The following SLC22A24 variants were observed in gnomAD, a reference collection of about 807,000 sequenced individuals.
SLC22A24 encodes solute carrier family 22 member 24, also known as steroid transmembrane transporter SLC22A24.
A neutral mutation model predicts 49.8 loss-of-function variants in SLC22A24; 53 were observed. The ratio of observed to expected loss-of-function variants is 1.06; its 90% confidence interval spans 0.85 to 1.34. The LOEUF is 1.34. Ranked by LOEUF, SLC22A24 falls within the 40% of genes most tolerant of loss-of-function variation. The pLI is 0.00. For missense variants in SLC22A24, 786 were observed against 675.9 expected (o/e 1.16, Z -1.81); for synonymous variants, 302 against 256.4 (o/e 1.18, Z -1.70).
chr11:63,111,717 GT>G, intron 4 of SLC22A24, among the ~76,000 whole-genome samples: 1 of 151,982 alleles, frequency 6.6e-6, no homozygotes, highest in South Asian at 2.1e-4. Context: ...ATTTTTTATT[GT>G]GTCTATTTGA....
rs1389631006 is a variant in SLC22A24, at chr11:63,093,958, C to A, written c.1070+2033G>T. On this transcript the variant is annotated intron_variant, in intron 6 of 9. Coordinates refer to ENST00000612278, the MANE Select transcript of SLC22A24 (RefSeq NM_001136506.2). ...TAAGTCATATTGGCAAAATATGGAA[C>A]AACCAAAATTCTTTTTTTCCTGTAT... Among the ~76,000 whole-genome samples the A allele has an allele frequency of 2.1e-5, 3 of 143,896 alleles. No individual in the cohort carries two copies. The East Asian group carries it at 6.2e-4, about 30-fold the overall frequency. 94.4% of individuals were successfully genotyped at this position (143,896 alleles called of 152,430 possible).
At chr11:63,119,359 C>T (rs768300114) in intron 2 of SLC22A24, 24 bp from the exon 3 acceptor site, 9 of 1,493,682 alleles carry the variant, frequency 6.0e-6, no homozygotes, top group Admixed American at 2.6e-5. Context: ...AACCAGATAA[C>T]GTTACTTAGG....
chr11:63,118,070 C>G (rs1475300991), intron 4 of SLC22A24, among the ~76,000 whole-genome samples: 2 of 152,150 alleles, frequency 1.3e-5, no homozygotes, highest in African/African-American at 4.8e-5. Context: ...TCACACTAGG[C>G]AACTTTGAGT....
intron 5 of SLC22A24, among the ~76,000 whole-genome samples, chr11:63,098,432 C>A (rs1335787866): frequency 1.3e-5 from 2 of 152,054 alleles, no homozygotes; most frequent in African/African-American, 4.8e-5. Flanking sequence ...ACTTGGGAGG[C>A]CAAAGTGGGT....
chr11:63,138,641 CAAAAAAAAAAAAAAA>C (rs59726580), intron 1 of SLC22A24, among the ~76,000 whole-genome samples: 6 of 60,774 alleles, frequency 9.9e-5, no homozygotes, highest in Admixed American at 4.4e-4. Context: ...GACTCTGTCT[CAAAAAAAAAAAAAAA>C]AAAAAAAAAA....
chr11:63,131,098 C>T (rs2087331693), intron 2 of SLC22A24, among the ~76,000 whole-genome samples: 1 of 151,810 alleles, frequency 6.6e-6, no homozygotes, highest in Non-Finnish European at 1.5e-5. Context: ...GATTGCAACC[C>T]CTGCTTTTTT....
chr11:63,104,704 A>G (rs1470346707), intron 4 of SLC22A24, among the ~76,000 whole-genome samples: 1 of 152,176 alleles, frequency 6.6e-6, no homozygotes, highest in Non-Finnish European at 1.5e-5. Flanking sequence ...AGATCTCATG[A>G]GACTTATTCA....
chr11:63,123,353 C>T (rs192773678), intron 2 of SLC22A24, among the ~76,000 whole-genome samples: 1 of 152,264 alleles, frequency 6.6e-6, no homozygotes, highest in African/African-American at 2.4e-5. Flanking sequence ...TGGTGAGTTC[C>T]TGCTTTAGAC....
At chr11:63,097,894 G>A (rs1239496553) in intron 5 of SLC22A24, among the ~76,000 whole-genome samples, 1 of 151,968 alleles carries the variant, frequency 6.6e-6, no homozygotes, top group African/African-American at 2.4e-5. Flanking sequence ...ACAGGGAGGG[G>A]AGCATCACAC....
At chr11:63,116,136 T>C in intron 4 of SLC22A24, 1 of 429,004 alleles carries the variant, frequency 2.3e-6, no homozygotes, top group Non-Finnish European at 4.0e-6. Context: ...AGCCTTGGCA[T>C]GTGCACTCAT....
At chr11:63,108,446 T>G (rs2087137371) in intron 4 of SLC22A24, among the ~76,000 whole-genome samples, 1 of 152,334 alleles carries the variant, frequency 6.6e-6, no homozygotes, top group African/African-American at 2.4e-5. Context: ...GCTGGCCACA[T>G]GAAATGAGTT....
chr11:63,128,170 A>G lies in SLC22A24; in HGVS notation c.506+6495T>C, dbSNP rs537364120. Among the ~76,000 whole-genome samples, 8 of 152,100 alleles carry G rather than the reference A, an allele frequency of 5.3e-5. No homozygotes were observed. The South Asian group carries it at 1.5e-3, about 28-fold the overall frequency. On this transcript the variant is annotated intron_variant, in intron 2 of 9. Coordinates refer to ENST00000612278, the MANE Select transcript of SLC22A24 (RefSeq NM_001136506.2). The stretch of plus-strand genomic sequence containing the variant: ...ATATTATAATAATCATCACTCTACA[A>G]TTATAACTTAGGAGAAACCAGGCCA...
intron 1 of SLC22A24, among the ~76,000 whole-genome samples, chr11:63,141,182 A>G (rs1344699172): frequency 6.6e-6 from 1 of 152,214 alleles, no homozygotes; most frequent in African/African-American, 2.4e-5. Context: ...TAGAGATATA[A>G]AATTTTATTT....
intron 2 of SLC22A24, among the ~76,000 whole-genome samples, chr11:63,124,874 G>A (rs1017515627): frequency 2.7e-5 from 4 of 150,720 alleles, no homozygotes; most frequent in African/African-American, 9.8e-5. Context: ...AACAACGCAT[G>A]TTCTCACTCA....
chr11:63,124,001 A>G (rs956469793), intron 2 of SLC22A24, among the ~76,000 whole-genome samples: 1 of 152,180 alleles, frequency 6.6e-6, no homozygotes, highest in Non-Finnish European at 1.5e-5. Context: ...AGGCACCACC[A>G]GATAGGAGTC....
chr11:63,103,391 C>T (rs974097524), intron 5 of SLC22A24, among the ~76,000 whole-genome samples: 3 of 152,094 alleles, frequency 2.0e-5, no homozygotes, highest in East Asian at 3.8e-4. Flanking sequence ...ATGATAGCAC[C>T]TATTCTATAT....
At chr11:63,091,646 A>G (rs915733908) in intron 6 of SLC22A24, among the ~76,000 whole-genome samples, 3 of 152,178 alleles carry the variant, frequency 2.0e-5, no homozygotes, top group Non-Finnish European at 4.4e-5. Context: ...AACAGAACCA[A>G]TGACAAAAAC....
chr11:63,113,919 T>C (rs2087194302), intron 4 of SLC22A24, among the ~76,000 whole-genome samples: 1 of 152,064 alleles, frequency 6.6e-6, no homozygotes, highest in Admixed American at 6.6e-5. Flanking sequence ...TTTGGGTTTC[T>C]GCCGAGAGAT....
chr11:63,087,024 G>GCGCACACACACACA lies in SLC22A24; in HGVS notation c.1071-3568_1071-3567insTGTGTGTGTGTGCG, dbSNP rs376936925. On this transcript the variant is annotated intron_variant, in intron 6 of 9. Coordinates refer to ENST00000612278, the MANE Select transcript of SLC22A24 (RefSeq NM_001136506.2). The stretch of plus-strand genomic sequence containing the variant: ...AATTAAGCTTTTCTGCCTGGAGGGC[G>GCGCACACACACACA]CACACACACACACACACACACACAC... Among the ~76,000 whole-genome samples the GCGCACACACACACA allele has an allele frequency of 1.9e-3, 247 of 132,622 alleles. 3 individuals carry two copies. Among genetic ancestry groups the GCGCACACACACACA allele is most frequent in the African/African-American group, 6.7e-3 (233 of 34,722 alleles). The allele number at this position is 132,622 out of a possible 152,430, so 87.0% of individuals were successfully genotyped here. A position where few individuals can be genotyped will look rare whatever the true frequency, so the allele number is the denominator to read the frequency against.
Sources: gnomAD v4.1 joint callset for allele counts (sites outside exome capture counted in the v4.1 genomes callset) on GRCh38, gnomAD v4.1.1 for gene constraint, MANE v1.5 for transcripts, NCBI Gene and HGNC (gene_info 2026-07-23, HGNC 2026-07-21) for gene names.